Variants in SERINC1 observed in about 807,000 individuals in gnomAD.
The protein encoded by SERINC1 is serine incorporator 1.
In SERINC1, 38 loss-of-function variants were observed where a neutral mutation model predicts 52.9. The observed-to-expected ratio is 0.72, with a 90% CI of 0.55 to 0.94. The LOEUF is 0.94. Ranked by LOEUF, SERINC1 falls within the 40% of genes least tolerant of loss-of-function variation. SERINC1 has a pLI of 0.00. For missense variants in SERINC1, 471 were observed against 533.9 expected, an observed-to-expected ratio of 0.88 and a Z score of 1.16; for synonymous variants, 198 against 183.1, an observed-to-expected ratio of 1.08 and a Z score of -0.66.
intron 8 of SERINC1, 29 bp from the exon 9 acceptor site, chr6:122,447,033 A>G (rs1024976347): frequency 1.1e-5 from 17 of 1,573,222 alleles, no homozygotes; most frequent in African/African-American, 2.7e-5. Flanking sequence ...AGGAGGAGAG[A>G]AAAAAAAGAA....
chr6:122,452,922 G>A lies in SERINC1; in HGVS notation c.589+848C>T, dbSNP rs527439076. On this transcript the variant is annotated intron_variant, in intron 5 of 9. Coordinates refer to ENST00000339697, the MANE Select transcript of SERINC1 (RefSeq NM_020755.4). ...GGAATATTAGGCCAGCAGACACACT[G>A]GATTTGGCTTGCACTCCAATTTAAA... 3.2e-4 allele frequency among the ~76,000 whole-genome samples: 49 copies of A among 152,176 alleles called. No individual in the cohort carries two copies. In the South Asian group the frequency reaches 9.8e-3, roughly 30 times the overall value.
intron 7 of SERINC1, among the ~76,000 whole-genome samples, chr6:122,449,453 T>C (rs1326783834): frequency 6.6e-6 from 1 of 152,218 alleles, no homozygotes; most frequent in Non-Finnish European, 1.5e-5. Flanking sequence ...GAGAAAGTTT[T>C]AGTGACCTGG....
At chr6:122,460,165 C>T (rs376031846) in intron 1 of SERINC1, among the ~76,000 whole-genome samples, 1 of 152,124 alleles carries the variant, frequency 6.6e-6, no homozygotes, top group South Asian at 2.1e-4. Context: ...CCACCCACTC[C>T]GGGTTCAAGG....
At chr6:122,445,751 G>A (rs1297946810) in intron 9 of SERINC1, among the ~76,000 whole-genome samples, 1 of 151,568 alleles carries the variant, frequency 6.6e-6, no homozygotes, top group Non-Finnish European at 1.5e-5. Context: ...GACAGCCAAG[G>A]ATCTGAGTTA....
chr6:122,445,917 T>C (rs536935905), intron 9 of SERINC1, among the ~76,000 whole-genome samples: 112 of 137,448 alleles, frequency 8.1e-4, no homozygotes, highest in African/African-American at 2.8e-3. Context: ...GCTGGATTCT[T>C]ATAGCTTAAT....
chr6:122,445,451 T>C (rs1019434562), intron 9 of SERINC1, among the ~76,000 whole-genome samples: 1 of 150,740 alleles, frequency 6.6e-6, no homozygotes, highest in Non-Finnish European at 1.5e-5. Flanking sequence ...TGCCATGTTA[T>C]TAGACAGAAG....
At chr6:122,451,776 A>AAAAAATATATATAT in intron 6 of SERINC1, 22 bp from the exon 7 acceptor site, 20 of 113,060 alleles carry the variant, frequency 1.8e-4, no homozygotes, top group African/African-American at 6.7e-4. Context: ...AAAAAAAAAA[A>AAAAAATATATATAT]ATATATATAT....
chr6:122,452,186 C>T, intron 5 of SERINC1, 129 bp from the exon 6 acceptor site: 1 of 547,632 alleles, frequency 1.8e-6, no homozygotes, highest in South Asian at 4.0e-5. Context: ...ACATTGTCAG[C>T]ATTATAAAGG....
At chr6:122,461,088 A>G (rs1048660776) in intron 1 of SERINC1, among the ~76,000 whole-genome samples, 1 of 152,198 alleles carries the variant, frequency 6.6e-6, no homozygotes, top group African/African-American at 2.4e-5. Flanking sequence ...GTGAAATTAG[A>G]GTCCCTGAAA....
At chr6:122,455,655 C>T (rs11154081) in intron 3 of SERINC1, among the ~76,000 whole-genome samples, 20,928 of 152,090 alleles carry the variant, frequency 0.14, 1,562 homozygotes, top group East Asian at 0.26. Flanking sequence ...CCCTAATACA[C>T]TTGATTATCA....
intron 1 of SERINC1, among the ~76,000 whole-genome samples, chr6:122,466,324 G>C (rs961186312): frequency 5.3e-5 from 8 of 152,078 alleles, no homozygotes; most frequent in African/African-American, 1.9e-4. Context: ...TTTTGAGACA[G>C]AGTCTCACTC....
At chr6:122,448,132 G>C (rs574835265) in intron 7 of SERINC1, among the ~76,000 whole-genome samples, 2 of 150,662 alleles carry the variant, frequency 1.3e-5, no homozygotes, top group African/African-American at 2.4e-5. Flanking sequence ...AAGTAGGATT[G>C]CTAAAATATT....
chr6:122,467,586 A>G (rs781625477), intron 1 of SERINC1, among the ~76,000 whole-genome samples: 8 of 152,160 alleles, frequency 5.3e-5, no homozygotes, highest in Non-Finnish European at 1.0e-4. Context: ...CAGCCTGGGC[A>G]ATGCAGTGAG....
intron 1 of SERINC1, among the ~76,000 whole-genome samples, chr6:122,470,288 A>C (rs1250865297): frequency 6.6e-6 from 1 of 152,238 alleles, no homozygotes; most frequent in Non-Finnish European, 1.5e-5. Flanking sequence ...GGTCAATTTT[A>C]TCACGGACAT....
At chr6:122,461,239 C>G (rs1431199061) in intron 1 of SERINC1, among the ~76,000 whole-genome samples, 2 of 151,884 alleles carry the variant, frequency 1.3e-5, no homozygotes, top group African/African-American at 4.8e-5. Flanking sequence ...GAAAACCACA[C>G]CAAGTCACAT....
chr6:122,466,162 T>C (rs577642418), intron 1 of SERINC1, among the ~76,000 whole-genome samples: 7 of 152,226 alleles, frequency 4.6e-5, no homozygotes, highest in Non-Finnish European at 7.4e-5. Flanking sequence ...GAGGCGGAAT[T>C]GCTCGAACTT....
chr6:122,458,867 TAAG>T (rs1323706916), intron 1 of SERINC1, among the ~76,000 whole-genome samples, 186 bp from the exon 2 acceptor site: 2 of 152,018 alleles, frequency 1.3e-5, no homozygotes, highest in Non-Finnish European at 2.9e-5. Flanking sequence ...TAGCAACTTC[TAAG>T]AAGGAGTAAA....
chr6:122,461,547 T>C (rs1359801033), intron 1 of SERINC1, among the ~76,000 whole-genome samples: 4 of 150,516 alleles, frequency 2.7e-5, no homozygotes, highest in Admixed American at 2.0e-4. Context: ...TTGGGAGATA[T>C]ACCTAATGCT....
chr6:122,447,015 G>A lies in SERINC1; in HGVS notation c.996-11C>T, dbSNP rs769830460. The A allele has an allele frequency of 6.3e-7, 1 of 1,586,900 alleles. No individual in the cohort carries two copies. Among genetic ancestry groups the A allele is most frequent in the African/African-American group, 1.3e-5 (1 of 74,320 alleles). ...TTTGAAGTACGGATGCTGTATGAAA[G>A]AGAGTTTAGGAGGAGAGAAAAAAAA... On this transcript the variant is annotated splice_polypyrimidine_tract_variant and intron_variant, in intron 8 of 9. Coordinates refer to ENST00000339697, the MANE Select transcript of SERINC1 (RefSeq NM_020755.4).
Sources: allele counts gnomAD v4.1 joint callset (sites outside exome capture counted in the v4.1 genomes callset), GRCh38; gene constraint gnomAD v4.1.1; transcripts MANE v1.5; gene names NCBI Gene and HGNC (gene_info 2026-07-23, HGNC 2026-07-21).